Variants in DNAH7 observed in about 807,000 individuals in gnomAD.
DNAH7 encodes axonemal beta dynein heavy chain 7.
DNAH7 carries 397 observed loss-of-function variants against 444.6 expected under a neutral mutation model. That is an observed-to-expected ratio of 0.89 (90% CI 0.82 to 0.97). The LOEUF (loss-of-function observed/expected upper bound fraction) is 0.97. DNAH7 is among the 50% of genes least tolerant of loss of function. The pLI is 0.00. For missense variants in DNAH7, 4,902 were observed against 4,800.8 expected (o/e 1.02, Z -0.62); for synonymous variants, 1,636 against 1,624.4 (o/e 1.01, Z -0.17).
intron 16 of DNAH7, among the ~76,000 whole-genome samples, chr2:195,971,339 CTG>C (rs1691826714): frequency 6.6e-6 from 1 of 152,170 alleles, no homozygotes; most frequent in Admixed American, 6.6e-5. Context: ...CACAGCATTT[CTG>C]TGTGTCAGTC....
intron 14 of DNAH7, 122 bp from the exon 15 acceptor site, chr2:195,984,832 G>A: frequency 1.1e-6 from 1 of 875,698 alleles, no homozygotes; most frequent in Non-Finnish European, 1.7e-6. Context: ...TTAGCTATAT[G>A]ACATCTAATA....
intron 48 of DNAH7, among the ~76,000 whole-genome samples, chr2:195,828,355 C>T (rs867387579): frequency 1.3e-5 from 2 of 152,058 alleles, no homozygotes; most frequent in Admixed American, 6.6e-5. Context: ...GAGGCCGAGG[C>T]GGGCGGATCA....
rs1695666867 is a variant in DNAH7 at position 195,787,276 on chromosome 2, T to C, written c.10717-105A>G. On this transcript the variant is annotated intron_variant, in intron 57 of 64. Transcript: ENST00000312428. ...AAATTTCTTTCATTTATAAATAGCATAGGGACATATTCATCCCAAATTACA... is the reference window on the plus strand; with the variant it reads ...AAATTTCTTTCATTTATAAATAGCACAGGGACATATTCATCCCAAATTACA... 5 of 1,190,468 alleles carry C rather than the reference T, an allele frequency of 4.2e-6. No homozygotes were observed. In the African/African-American group the frequency reaches 6.2e-5, roughly 15 times the overall value. The allele number at this position is 1,190,468 out of a possible 1,614,324, so 73.7% of individuals were successfully genotyped here. A position where few individuals can be genotyped will look rare whatever the true frequency, so the allele number is the denominator to read the frequency against.
chr2:195,973,314 C>G (rs1351583536), intron 15 of DNAH7, among the ~76,000 whole-genome samples: 2 of 152,122 alleles, frequency 1.3e-5, no homozygotes, highest in African/African-American at 4.8e-5. Context: ...ATAGGAGCTC[C>G]TTTGTGTCAT....
At chr2:195,902,508 A>G (rs1469818866) in intron 27 of DNAH7, 1 of 152,142 alleles carries the variant, frequency 6.6e-6, no homozygotes, top group African/African-American at 2.4e-5. Context: ...TCAGCCAGTC[A>G]ATGGGGTTAG....
At position 195,942,964 on chromosome 2, in the gene DNAH7, C is replaced by G. The variant is rs557030638; in HGVS notation, c.3079-6172G>C. 7.2e-5 allele frequency among the ~76,000 whole-genome samples: 11 copies of G among 152,206 alleles called. No individual in the cohort carries two copies. The East Asian group carries it at 2.1e-3, about 29-fold the overall frequency. ...AACCCCTGTGTGTCATAGGAGGGAC[C>G]TGGTGGGAGGTAATTGAATCATCGG... On this transcript the variant is annotated intron_variant, in intron 19 of 64. Transcript: ENST00000312428.
chr2:196,047,625 G>C, intron 4 of DNAH7, 126 bp from the exon 5 acceptor site: 1 of 749,922 alleles, frequency 1.3e-6, no homozygotes, highest in Non-Finnish European at 1.8e-6. Flanking sequence ...GTAATCCTAA[G>C]TATAATTTTT....
In DNAH7 at chr2:195,771,775, T is replaced by C. The variant is rs371038840; in HGVS notation, c.11318A>G (p.Tyr3773Cys). ...NFDIEAAMRR[Y>C]PTTYTQSMNT... is the part of the protein sequence containing the mutation. Reference sequence around the variant, plus strand: ...CATGCTCTGAGTATAAGTTGTTGGGTACCTCCTCATGGCAGCCTCGATGTC... The same window carrying C: ...CATGCTCTGAGTATAAGTTGTTGGGCACCTCCTCATGGCAGCCTCGATGTC... The change falls in exon 61 of 65, where the codon TAC becomes TGC. Residue 3773 changes from tyrosine to cysteine, a missense_variant. Physicochemically the swap from Tyr to Cys is radical, Grantham distance 194. Coordinates refer to ENST00000312428, the MANE Select transcript of DNAH7 (RefSeq NM_018897.3). The C allele has an allele frequency of 2.0e-4, 327 of 1,614,054 alleles. No homozygotes were observed. Among genetic ancestry groups the C allele is most frequent in the Non-Finnish European group, 2.7e-4 (318 of 1,180,030 alleles).
chr2:196,047,347 C>A lies in DNAH7; in HGVS notation c.398+5G>T. The stretch of plus-strand genomic sequence containing the variant: ...AACACGTAATGGTTAGCCTATACAA[C>A]TTACATAATGACATTAACAAGAGTA... On this transcript the variant is annotated splice_donor_5th_base_variant and intron_variant, in intron 5 of 64. Transcript: ENST00000312428. 6.4e-7 allele frequency: 1 copy of A among 1,574,654 alleles called. No individual in the cohort carries two copies. Among genetic ancestry groups the A allele is most frequent in the South Asian group, 1.2e-5 (1 of 82,734 alleles).
In DNAH7 at chr2:195,920,913, T is replaced by C. The variant is rs118174627; in HGVS notation, c.3935+1175A>G. Among the ~76,000 whole-genome samples, 3,014 of 152,122 alleles carry C rather than the reference T, an allele frequency of 0.02. 257 individuals are homozygous for C. The East Asian group carries it at 0.27, about 14-fold the overall frequency. Reference sequence around the variant, plus strand: ...ACAAAAAGTGGGTTATGGACATGAATAGACAATTATCAAAAGAAGATATGC... The same window carrying C: ...ACAAAAAGTGGGTTATGGACATGAACAGACAATTATCAAAAGAAGATATGC... On this transcript the variant is annotated intron_variant, in intron 24 of 64. Transcript: ENST00000312428.
At chr2:195,815,789 TC>T (rs1439280991) in intron 51 of DNAH7, among the ~76,000 whole-genome samples, 3 of 151,898 alleles carry the variant, frequency 2.0e-5, no homozygotes, top group Admixed American at 6.6e-5. Context: ...GATCATGAGG[TC>T]AGGAGATCAA....
At chr2:195,900,542 G>C in intron 27 of DNAH7, 48 bp from the exon 28 acceptor site, 1 of 1,550,822 alleles carries the variant, frequency 6.4e-7, no homozygotes, top group Non-Finnish European at 8.9e-7. Context: ...CATAAAATAA[G>C]CTAGGCATGG....
intron 14 of DNAH7, among the ~76,000 whole-genome samples, chr2:195,986,670 T>C (rs1692933076): frequency 6.6e-6 from 1 of 152,052 alleles, no homozygotes; most frequent in South Asian, 2.1e-4. Context: ...CCCTCAAGAG[T>C]AATTTTAGGA....
intron 22 of DNAH7, among the ~76,000 whole-genome samples, chr2:195,925,554 G>A (rs1553563878): frequency 6.6e-6 from 1 of 151,848 alleles, no homozygotes; most frequent in African/African-American, 2.4e-5. Flanking sequence ...TTGACTTCCT[G>A]TTTTACACCC....
At chr2:195,910,733 T>C (rs1687309313) in intron 24 of DNAH7, among the ~76,000 whole-genome samples, 1 of 152,118 alleles carries the variant, frequency 6.6e-6, no homozygotes, top group South Asian at 2.1e-4. Context: ...GATCCACCTA[T>C]ATAAATCTAG....
At chr2:195,960,135 C>A (rs1690982007) in intron 18 of DNAH7, 125 bp downstream of exon 18, 3 of 809,166 alleles carry the variant, frequency 3.7e-6, no homozygotes, top group African/African-American at 3.5e-5. Context: ...AAAATCAATT[C>A]TCAAAAGAAA....
Position 195,756,172 on chromosome 2 carries a change from G to C in DNAH7, c.11547C>G (p.Ser3849Arg), listed in dbSNP as rs1196114400. Residue 3849 changes from serine to arginine, a missense_variant, in exon 62 of 65, where the codon AGC becomes AGG. By Grantham distance (110) the Ser-to-Arg change is moderately radical. Coordinates refer to ENST00000312428, the MANE Select transcript of DNAH7 (RefSeq NM_018897.3). ...GTCTTGCAAGGAAGTCATTCACATA[G>C]CTGCCAAGTGGTTTAAGGCTTGGGT... ...KSYPSLKPLGSYVNDFLARLK... is the reference protein window; with the variant it reads ...KSYPSLKPLGRYVNDFLARLK... 1 of 1,609,958 alleles carries C rather than the reference G, an allele frequency of 6.2e-7. No individual in the cohort carries two copies.
intron 15 of DNAH7, among the ~76,000 whole-genome samples, chr2:195,982,572 A>C (rs1175850019): frequency 1.3e-5 from 2 of 152,254 alleles, no homozygotes; most frequent in African/African-American, 4.8e-5. Flanking sequence ...AAGATTGGGA[A>C]GCAATGTAAG....
intron 61 of DNAH7, among the ~76,000 whole-genome samples, chr2:195,762,965 CA>C (rs1559079283): frequency 6.6e-6 from 1 of 151,862 alleles, no homozygotes; most frequent in Admixed American, 6.6e-5. Flanking sequence ...TGTTAGGCCA[CA>C]AAAAAAGTTT....
Sources: gnomAD v4.1 joint callset for allele counts (sites outside exome capture counted in the v4.1 genomes callset) on GRCh38, gnomAD v4.1.1 for gene constraint, MANE v1.5 for transcripts, NCBI Gene and HGNC (gene_info 2026-07-23, HGNC 2026-07-21) for gene names.